Variants in ITGA4 observed in about 807,000 individuals in gnomAD.
The protein encoded by ITGA4 is integrin subunit alpha 4, also known as integrin alpha-4.
A neutral mutation model predicts 133.6 loss-of-function variants in ITGA4; 63 were observed. The observed-to-expected ratio is 0.47, with a 90% CI of 0.38 to 0.58. ITGA4 has a LOEUF of 0.58. Among genes scored for constraint, ITGA4 ranks in the 20% least tolerant of loss-of-function variants. The pLI is 0.00. For missense variants in ITGA4, 1,076 were observed against 1,252.7 expected (o/e 0.86, Z 2.13); for synonymous variants, 483 against 438.0 (o/e 1.10, Z -1.28).
chr2:181,534,880 G>C lies in ITGA4; in HGVS notation c.2948G>C (p.Ser983Thr). 1.3e-6 allele frequency: 2 copies of C among 1,599,726 alleles called. No homozygotes were observed. The highest frequency in any genetic ancestry group is 2.3e-5 in the East Asian group (1 of 44,128). ...KRYFTIVIIS[S>T]SLLLGLIVLL... ...TATTTCACCATAGTGATTATTTCAA[G>C]TAGCTTGCTACTTGGACTTATTGTA... is the stretch of plus-strand genomic sequence containing the variant. The change falls in exon 27 of 28, where the codon AGT becomes ACT. Residue 983 changes from serine to threonine, a missense_variant. Ser to Thr is a moderately conservative substitution (Grantham distance 58). This residue lies in a region of ITGA4 where 193 missense variants were observed against 172.3 expected (regional missense o/e 1.12). Coordinates refer to ENST00000397033, the MANE Select transcript of ITGA4 (RefSeq NM_000885.6).
In ITGA4 at chr2:181,535,720, AATAATACAGCCAAAG is replaced by A; in HGVS notation, c.*199_*213del. On this transcript the variant is annotated 3_prime_UTR_variant, in exon 28 of 28. Coordinates refer to ENST00000397033, the MANE Select transcript of ITGA4 (RefSeq NM_000885.6). Reference sequence around the variant, plus strand: ...TTTGAGATAGAAGAACTGCAAAGGTAATAATACAGCCAAAGATAATCTCTCAGCTTTTAAATGGGT... The same window carrying A: ...TTTGAGATAGAAGAACTGCAAAGGTAATAATCTCTCAGCTTTTAAATGGGT... 1.9e-6 allele frequency: 1 copy of A among 539,704 alleles called. No individual in the cohort carries two copies. The highest frequency in any genetic ancestry group is 3.0e-6 in the Non-Finnish European group (1 of 330,878). 33.4% of individuals were successfully genotyped at this position (539,704 alleles called of 1,614,324 possible).
At chr2:181,460,830 C>A (rs1230386968) in intron 2 of ITGA4, among the ~76,000 whole-genome samples, 2 of 151,890 alleles carry the variant, frequency 1.3e-5, no homozygotes, top group Admixed American at 6.5e-5. Flanking sequence ...AAAGGTAATA[C>A]ATTAAAAGGT....
intron 2 of ITGA4, among the ~76,000 whole-genome samples, chr2:181,467,415 G>A (rs1414845243): frequency 4.6e-5 from 7 of 152,248 alleles, no homozygotes; most frequent in Non-Finnish European, 8.8e-5. Flanking sequence ...GGTAGATAAA[G>A]CAGGCATTTA....
intron 5 of ITGA4, chr2:181,479,053 C>G: frequency 3.1e-6 from 1 of 321,498 alleles, no homozygotes; most frequent in Non-Finnish European, 5.8e-6. Flanking sequence ...AAAATCTATA[C>G]TAAAGAACAT....
At chr2:181,476,873 A>G (rs1476408893) in intron 4 of ITGA4, among the ~76,000 whole-genome samples, 1 of 152,166 alleles carries the variant, frequency 6.6e-6, no homozygotes, top group Admixed American at 6.6e-5. Context: ...AGGAACAGAA[A>G]ACCAAATACC....
At position 181,481,579 on chromosome 2, in the gene ITGA4, T is replaced by C. The variant is rs760455246; in HGVS notation, c.755-19T>C. 3.9e-5 allele frequency: 58 copies of C among 1,469,506 alleles called. No homozygotes were observed. The highest frequency in any genetic ancestry group is 5.1e-5 in the Non-Finnish European group (54 of 1,056,488). The allele number at this position is 1,469,506 out of a possible 1,614,324, so 91.0% of individuals were successfully genotyped here. On this transcript the variant is annotated intron_variant, in intron 6 of 27. Transcript: ENST00000397033. ...TGTACTTTACCCAGGACTCTCATAC[T>C]TTCTCCCTTTTCTTAAAGGATATTC...
intron 4 of ITGA4, chr2:181,475,782 G>A (rs1685660088): frequency 6.3e-7 from 1 of 1,575,992 alleles, no homozygotes; most frequent in Non-Finnish European, 8.6e-7. Flanking sequence ...CGTGTCTTGA[G>A]TTTGAAACAT....
chr2:181,457,786 C>T lies in ITGA4; in HGVS notation c.132C>T (p.Tyr44=), dbSNP rs1413273566. Residue 44 remains tyrosine (Y), a synonymous_variant, in exon 1 of 28, where the codon TAC becomes TAT. Transcript: ENST00000397033. ...YNVDTESALL[Y]QGPHNTLFGY... is the part of the protein sequence containing the mutation. ...TGGACACTGAGAGCGCGCTGCTTTACCAGGGCCCCCACAACACGCTGTTCG... is the reference window on the plus strand; with the variant it reads ...TGGACACTGAGAGCGCGCTGCTTTATCAGGGCCCCCACAACACGCTGTTCG... The T allele has an allele frequency of 2.5e-6, 4 of 1,613,668 alleles. No homozygotes were observed. The Admixed American group carries it at 5.0e-5, about 20-fold the overall frequency.
chr2:181,489,731 C>T (rs752554018), intron 10 of ITGA4, among the ~76,000 whole-genome samples: 1 of 152,126 alleles, frequency 6.6e-6, no homozygotes, highest in Non-Finnish European at 1.5e-5. Flanking sequence ...CAAGTCAGAG[C>T]TTGTGGGTAT....
At chr2:181,474,831 T>C in intron 2 of ITGA4, 129 bp from the exon 3 acceptor site, 1 of 654,792 alleles carries the variant, frequency 1.5e-6, no homozygotes, top group East Asian at 2.7e-5. Flanking sequence ...ACATTTATCC[T>C]CACATTGTGC....
chr2:181,473,463 G>A (rs765335355), intron 2 of ITGA4, among the ~76,000 whole-genome samples: 22 of 152,328 alleles, frequency 1.4e-4, no homozygotes, highest in Admixed American at 2.6e-4. Flanking sequence ...GGGAACCACT[G>A]ACCTAGGGTA....
intron 16 of ITGA4, among the ~76,000 whole-genome samples, chr2:181,511,234 C>A (rs10203974): frequency 0.72 from 109,274 of 151,882 alleles, 39,595 homozygotes; most frequent in South Asian, 0.9. Context: ...TTCAATATTT[C>A]CTCTAAGTAA....
At chr2:181,474,902 C>T (rs1685638691) in intron 2 of ITGA4, 58 bp from the exon 3 acceptor site, 2 of 1,341,154 alleles carry the variant, frequency 1.5e-6, no homozygotes, top group Non-Finnish European at 2.1e-6. Flanking sequence ...GCACAGTTTT[C>T]TCTTCTTTTG....
intron 17 of ITGA4, among the ~76,000 whole-genome samples, chr2:181,515,417 T>C (rs1390323281): frequency 6.6e-6 from 1 of 152,092 alleles, no homozygotes; most frequent in Non-Finnish European, 1.5e-5. Context: ...TGAAATATTA[T>C]GGTTGGAATT....
At chr2:181,460,202 T>A (rs1367615236) in intron 2 of ITGA4, among the ~76,000 whole-genome samples, 1 of 152,220 alleles carries the variant, frequency 6.6e-6, no homozygotes, top group Non-Finnish European at 1.5e-5. Context: ...AGGTATTTAC[T>A]GGGATGAAAG....
rs1401514729 is a variant in ITGA4, at chr2:181,523,351, T to G, written c.2074-86T>G. On this transcript the variant is annotated intron_variant, in intron 18 of 27. Transcript: ENST00000397033. This position sits in a 1 kb window ranked among gnomAD's most constrained non-coding sequence, Gnocchi z 4.2. ...AAAAGCAAATACTTCTGGGATGATA[T>G]TCTTTTCAATAACCATCCTTAAACA... The G allele has an allele frequency of 2.6e-6, 2 of 763,078 alleles. No homozygotes were observed. The highest frequency in any genetic ancestry group is 5.1e-5 in the East Asian group (2 of 39,166). The allele number at this position is 763,078 out of a possible 1,614,324, so 47.3% of individuals were successfully genotyped here.
chr2:181,510,960 C>G (rs1358419185), intron 16 of ITGA4, among the ~76,000 whole-genome samples: 1 of 151,948 alleles, frequency 6.6e-6, no homozygotes, highest in Non-Finnish European at 1.5e-5. Context: ...ACACCTCTCC[C>G]CCAGCTGTAG....
In ITGA4 at chr2:181,474,984, G is replaced by T. The variant is rs749317117; in HGVS notation, c.344G>T (p.Gly115Val). The T allele has an allele frequency of 6.2e-7, 1 of 1,613,976 alleles. No individual in the cohort carries two copies. Among genetic ancestry groups the T allele is most frequent in the African/African-American group, 1.3e-5 (1 of 75,038 alleles). The change falls in exon 3 of 28, where the codon GGA becomes GTA. Residue 115 changes from glycine to valine, a missense_variant. Gly to Val is a moderately radical substitution (Grantham distance 109, BLOSUM62 -3). Around this residue, in one of 4 missense-constraint regions of ITGA4, gnomAD observed 436 missense variants for 590.7 expected, o/e 0.74. Transcript: ENST00000397033. Reference sequence around the variant, plus strand: ...GGTAGCCCTAATGGAGAACCTTGTGGAAAGACTTGTTTGGAAGAGAGAGAC... The same window carrying T: ...GGTAGCCCTAATGGAGAACCTTGTGTAAAGACTTGTTTGGAAGAGAGAGAC... ...QLGSPNGEPC[G>V]KTCLEERDNQ... is the part of the protein sequence containing the mutation.
chr2:181,493,181 AT>A (rs774198088), intron 10 of ITGA4, 143 bp from the exon 11 acceptor site: 14 of 594,498 alleles, frequency 2.4e-5, no homozygotes, highest in Non-Finnish European at 4.1e-5. Context: ...ATAGTATTTT[AT>A]TTTTTTCTGT....
Sources: gnomAD v4.1 joint callset for allele counts (sites outside exome capture counted in the v4.1 genomes callset) on GRCh38, gnomAD v4.1.1 for gene constraint, gnomAD v4.1.1 regional missense constraint, Gnocchi (gnomAD v3.1) non-coding constraint, MANE v1.5 for transcripts, NCBI Gene and HGNC (gene_info 2026-07-23, HGNC 2026-07-21) for gene names.